The following PRSS23 variants were observed in gnomAD, a reference collection of about 807,000 sequenced individuals.
PRSS23 encodes serine protease 23.
PRSS23 carries 25 observed loss-of-function variants against 34.7 expected under a neutral mutation model. The observed-to-expected ratio is 0.72, with a 90% CI of 0.53 to 1.01. The LOEUF (loss-of-function observed/expected upper bound fraction) is 1.01. Ranked by LOEUF, PRSS23 falls within the 50% of genes least tolerant of loss-of-function variation. The probability of loss-of-function intolerance (pLI) is 0.00; values close to 1 mark genes in which losing one functional copy is unlikely to be tolerated. For missense variants in PRSS23, 445 were observed against 475.6 expected, an observed-to-expected ratio of 0.94 and a Z score of 0.60; for synonymous variants, 176 against 186.6, an observed-to-expected ratio of 0.94 and a Z score of 0.46.
At chr11:86,877,831 T>C (rs1346811882) in intron 2 of PRSS23, among the ~76,000 whole-genome samples, 2 of 149,340 alleles carry the variant, frequency 1.3e-5, no homozygotes, top group Non-Finnish European at 3.0e-5. Flanking sequence ...TCCATATGAA[T>C]TTTAGGATCA....
intron 2 of PRSS23, among the ~76,000 whole-genome samples, chr11:86,943,367 G>C (rs1949218571): frequency 6.6e-6 from 1 of 152,268 alleles, no homozygotes; most frequent in Non-Finnish European, 1.5e-5. Flanking sequence ...GCTTACGCCT[G>C]TAATCCCAGC....
At chr11:86,863,016 A>G (rs1206847411) in intron 2 of PRSS23, among the ~76,000 whole-genome samples, 1 of 152,128 alleles carries the variant, frequency 6.6e-6, no homozygotes, top group Admixed American at 6.5e-5. Flanking sequence ...CTAGAAAGAT[A>G]TAACACCTAA....
chr11:86,879,560 C>G (rs1343387142), intron 2 of PRSS23, among the ~76,000 whole-genome samples: 2 of 139,512 alleles, frequency 1.4e-5, no homozygotes, highest in Admixed American at 7.0e-5. Flanking sequence ...GGGGTCAGCC[C>G]CCCGCCCGGC....
At chr11:86,842,020 G>C (rs936857256) in intron 2 of PRSS23, among the ~76,000 whole-genome samples, 1 of 152,190 alleles carries the variant, frequency 6.6e-6, no homozygotes, top group South Asian at 2.1e-4. Flanking sequence ...GAACATCAAT[G>C]AGAAAATCCT....
chr11:86,891,527 A>G (rs1255481881), intron 2 of PRSS23, among the ~76,000 whole-genome samples: 1 of 152,098 alleles, frequency 6.6e-6, no homozygotes, highest in Non-Finnish European at 1.5e-5. Context: ...AGTTTTGGGG[A>G]GTCATTAGCT....
At chr11:86,838,003 G>A (rs1206422082) in intron 2 of PRSS23, among the ~76,000 whole-genome samples, 27 of 152,230 alleles carry the variant, frequency 1.8e-4, no homozygotes, top group Non-Finnish European at 1.5e-5. Flanking sequence ...GGAAGTGCAA[G>A]GGGTCAGCAG....
At chr11:86,824,852 G>A (rs1336081482) in intron 2 of PRSS23, among the ~76,000 whole-genome samples, 1 of 152,034 alleles carries the variant, frequency 6.6e-6, no homozygotes, top group African/African-American at 2.4e-5. Context: ...ATGTATATGT[G>A]CCACATTTTC....
intron 2 of PRSS23, among the ~76,000 whole-genome samples, chr11:86,867,027 A>T (rs944143676): frequency 6.6e-6 from 1 of 152,132 alleles, no homozygotes; most frequent in Non-Finnish European, 1.5e-5. Flanking sequence ...CACAAAACAA[A>T]CTAAGTCACC....
At chr11:86,844,278 G>A (rs113504001) in intron 2 of PRSS23, among the ~76,000 whole-genome samples, 2 of 152,138 alleles carry the variant, frequency 1.3e-5, no homozygotes, top group Non-Finnish European at 2.9e-5. Flanking sequence ...AGGCAGCTGG[G>A]AGAGGGATAG....
chr11:86,815,041 G>C (rs975577751), downstream of PRSS23, among the ~76,000 whole-genome samples: 1 of 152,198 alleles, frequency 6.6e-6, no homozygotes, highest in Non-Finnish European at 1.5e-5. Flanking sequence ...TTTGAGAAGC[G>C]TCAAGTTCCA....
intron 2 of PRSS23, among the ~76,000 whole-genome samples, chr11:86,889,160 A>G (rs187602938): frequency 6.6e-6 from 1 of 152,240 alleles, no homozygotes; most frequent in Admixed American, 6.5e-5. Context: ...ACTCAAACAA[A>G]CCTGGTATGT....
rs756690514 is a variant in PRSS23, at chr11:86,810,715, A to C, written c.*1920A>C. Reference sequence around the variant, plus strand: ...ATTTTGATTTTTTGCAAAGTTAGACAATGGCACAAAGTCAAAATGAAATCA... The same window carrying C: ...ATTTTGATTTTTTGCAAAGTTAGACCATGGCACAAAGTCAAAATGAAATCA... On this transcript the variant is annotated 3_prime_UTR_variant, in exon 2 of 2. Transcript: ENST00000280258. The C allele has an allele frequency of 1.2e-5, 2 of 167,098 alleles. No homozygotes were observed. The highest frequency in any genetic ancestry group is 2.4e-5 in the African/African-American group (1 of 41,466). The allele number at this position is 167,098 out of a possible 1,614,324, so 10.4% of individuals were successfully genotyped here.
At chr11:86,882,406 T>C (rs1948777509) in intron 2 of PRSS23, among the ~76,000 whole-genome samples, 1 of 152,222 alleles carries the variant, frequency 6.6e-6, no homozygotes, top group Non-Finnish European at 1.5e-5. Context: ...CCCCTCTATG[T>C]GTCCATGTGT....
chr11:86,811,436 A>C (rs59571956), downstream of PRSS23, among the ~76,000 whole-genome samples: 2,413 of 152,328 alleles, frequency 0.016, 69 homozygotes, highest in African/African-American at 0.055. Flanking sequence ...ATTAGAAGTA[A>C]TAAATTTGAA....
At chr11:86,895,773 C>G (rs760352455) in intron 2 of PRSS23, among the ~76,000 whole-genome samples, 1 of 152,158 alleles carries the variant, frequency 6.6e-6, no homozygotes, top group Admixed American at 6.5e-5. Flanking sequence ...AACCACCGTG[C>G]CTGGCCTGTA....
At chr11:86,893,320 GCCC>G (rs1948853566) in intron 2 of PRSS23, among the ~76,000 whole-genome samples, 1 of 152,164 alleles carries the variant, frequency 6.6e-6, no homozygotes, top group Admixed American at 6.5e-5. Flanking sequence ...TGTTATGGCA[GCCC>G]TAGTAAACTA....
upstream of PRSS23, among the ~76,000 whole-genome samples, chr11:86,796,742 A>T (rs1308247182): frequency 6.6e-6 from 1 of 151,594 alleles, no homozygotes; most frequent in Non-Finnish European, 1.5e-5. Flanking sequence ...ATTTAGTCCT[A>T]GTTCTGCTCC....
intron 2 of PRSS23, among the ~76,000 whole-genome samples, chr11:86,887,740 C>G (rs534388777): frequency 1.3e-5 from 2 of 152,132 alleles, no homozygotes; most frequent in Non-Finnish European, 2.9e-5. Context: ...GACACACACA[C>G]TGAACAACTA....
intron 2 of PRSS23, among the ~76,000 whole-genome samples, chr11:86,868,583 T>C (rs1948665781): frequency 6.6e-6 from 1 of 152,132 alleles, no homozygotes; most frequent in South Asian, 2.1e-4. Flanking sequence ...CCTTTGACCC[T>C]GTGTAGCCAA....
Sources: gnomAD v4.1 joint callset for allele counts (sites outside exome capture counted in the v4.1 genomes callset) on GRCh38, gnomAD v4.1.1 for gene constraint, MANE v1.5 for transcripts, NCBI Gene and HGNC (gene_info 2026-07-23, HGNC 2026-07-21) for gene names.